Variants in TAOK3 observed in about 807,000 individuals in gnomAD.
TAOK3 encodes the protein serine/threonine-protein kinase TAO3.
A neutral mutation model predicts 120.4 loss-of-function variants in TAOK3; 40 were observed. That is an observed-to-expected ratio of 0.33 (90% CI 0.26 to 0.43). The LOEUF (loss-of-function observed/expected upper bound fraction) is 0.43, where lower values mean the gene tolerates loss of function less well. TAOK3 is among the 20% of genes least tolerant of loss of function. TAOK3 has a pLI of 1.00. For synonymous variants in TAOK3, 355 were observed against 387.5 expected (o/e 0.92, Z 0.99); for missense variants, 821 against 1,112.1 (o/e 0.74, Z 3.72).
At chr12:118,272,026 A>G (rs1465038535) in intron 1 of TAOK3, among the ~76,000 whole-genome samples, 1 of 152,250 alleles carries the variant, frequency 6.6e-6, no homozygotes, top group Admixed American at 6.5e-5. Flanking sequence ...AGATTTCATC[A>G]GAGATGTGCA....
At position 118,150,589 on chromosome 12, in the gene TAOK3, C is replaced by T. The variant is rs1039228350; in HGVS notation, c.*408G>A. ...GATATTGTGTCTCTCTCCCCCTTGGCATTTATTATTATTATTTTTTGCTTT... is the reference window on the plus strand; with the variant it reads ...GATATTGTGTCTCTCTCCCCCTTGGTATTTATTATTATTATTTTTTGCTTT... On this transcript the variant is annotated 3_prime_UTR_variant, in exon 21 of 21. Transcript: ENST00000392533. 1 of 154,858 alleles carries T rather than the reference C, an allele frequency of 6.5e-6. No individual in the cohort carries two copies. The highest frequency in any genetic ancestry group is 6.5e-5 in the Admixed American group (1 of 15,404). 9.6% of individuals were successfully genotyped at this position (154,858 alleles called of 1,614,324 possible).
At chr12:118,342,723 C>T (rs986736462) in intron 1 of TAOK3, among the ~76,000 whole-genome samples, 1 of 152,096 alleles carries the variant, frequency 6.6e-6, no homozygotes, top group African/African-American at 2.4e-5. Context: ...TGCTTGAGCT[C>T]AGGAGTTCGA....
At chr12:118,332,985 C>T (rs1320703563) in intron 1 of TAOK3, among the ~76,000 whole-genome samples, 1 of 152,180 alleles carries the variant, frequency 6.6e-6, no homozygotes, top group South Asian at 2.1e-4. Context: ...AACACACACA[C>T]ACACACACAC....
intron 1 of TAOK3, among the ~76,000 whole-genome samples, chr12:118,321,127 G>C (rs1192831024): frequency 6.6e-6 from 1 of 152,158 alleles, no homozygotes; most frequent in African/African-American, 2.4e-5. Flanking sequence ...ATATGTTAGG[G>C]AAAAGGTTGG....
At chr12:118,182,623 A>ATTTTTTT (rs1555215274) in intron 14 of TAOK3, among the ~76,000 whole-genome samples, 3 of 92,388 alleles carry the variant, frequency 3.2e-5, no homozygotes, top group African/African-American at 4.9e-5. Flanking sequence ...ATATATATAT[A>ATTTTTTT]TTTTTTTTTT....
chr12:118,177,128 T>C, intron 16 of TAOK3, 73 bp downstream of exon 16: 1 of 1,477,478 alleles, frequency 6.8e-7, no homozygotes, highest in Admixed American at 1.8e-5. Context: ...TTGATCACAA[T>C]GCAAGATGAG....
chr12:118,189,969 A>T, intron 13 of TAOK3, 28 bp from the exon 14 acceptor site: 1 of 1,612,290 alleles, frequency 6.2e-7, no homozygotes, highest in Non-Finnish European at 8.5e-7. Context: ...AACAAGGAGA[A>T]AGTCCAGCTG....
At chr12:118,179,874 G>A (rs890482152) in intron 15 of TAOK3, among the ~76,000 whole-genome samples, 1 of 150,208 alleles carries the variant, frequency 6.7e-6, no homozygotes, top group Non-Finnish European at 1.5e-5. Context: ...TCAAACTCTT[G>A]ACCTCAAGTG....
At chr12:118,170,257 C>T (rs1042353703) in intron 17 of TAOK3, among the ~76,000 whole-genome samples, 3 of 151,842 alleles carry the variant, frequency 2.0e-5, no homozygotes, top group Non-Finnish European at 2.9e-5. Flanking sequence ...ATATTAATAC[C>T]ACAGGTAAAC....
chr12:118,352,709 T>A lies in TAOK3; in HGVS notation c.-194+19939A>T, dbSNP rs565215840. On this transcript the variant is annotated intron_variant, in intron 1 of 20. Coordinates refer to ENST00000392533, the MANE Select transcript of TAOK3 (RefSeq NM_016281.4). ...ATTACTGTATTACCAGGGTTACTGA[T>A]CTTATCTTATTTATTTTTTGAGACA... is the stretch of plus-strand genomic sequence containing the variant. Among the ~76,000 whole-genome samples, 5 of 152,098 alleles carry A rather than the reference T, an allele frequency of 3.3e-5. No homozygotes were observed. The South Asian group carries it at 1.0e-3, about 32-fold the overall frequency.
intron 1 of TAOK3, among the ~76,000 whole-genome samples, chr12:118,285,106 T>C (rs989836409): frequency 5.9e-5 from 9 of 152,030 alleles, no homozygotes; most frequent in African/African-American, 2.2e-4. Flanking sequence ...CAAACTAACC[T>C]TTTAATTGCT....
chr12:118,342,935 TAA>T (rs760467619), intron 1 of TAOK3, among the ~76,000 whole-genome samples: 11,169 of 58,246 alleles, frequency 0.19, 321 homozygotes, highest in Middle Eastern at 0.27. Flanking sequence ...CTCTGTCTGC[TAA>T]AAAAAAAAAA....
At chr12:118,290,963 C>T (rs544386156) in intron 1 of TAOK3, among the ~76,000 whole-genome samples, 8 of 151,112 alleles carry the variant, frequency 5.3e-5, no homozygotes, top group Non-Finnish European at 1.2e-4. Context: ...TCTCGGCTCA[C>T]TGCAACCTCT....
At position 118,189,800 on chromosome 12, in the gene TAOK3, T is replaced by C. The variant is rs1482889357; in HGVS notation, c.1329+7A>G. ...AAGGGAAGGTGGGTAGAGGGGTGTT[T>C]GCTTACCAAAGATGCTGATTTGATC... On this transcript the variant is annotated splice_region_variant and intron_variant, in intron 14 of 20. Coordinates refer to ENST00000392533, the MANE Select transcript of TAOK3 (RefSeq NM_016281.4). 1 of 1,613,994 alleles carries C rather than the reference T, an allele frequency of 6.2e-7. No individual in the cohort carries two copies. The highest frequency in any genetic ancestry group is 8.5e-7 in the Non-Finnish European group (1 of 1,179,988).
intron 9 of TAOK3, among the ~76,000 whole-genome samples, chr12:118,222,830 A>G (rs2039303249): frequency 6.6e-6 from 1 of 152,202 alleles, no homozygotes; most frequent in East Asian, 1.9e-4. Context: ...TACAATGTAC[A>G]GTACTCAGGT....
At chr12:118,226,407 G>A (rs373215629) in intron 9 of TAOK3, among the ~76,000 whole-genome samples, 121 of 151,832 alleles carry the variant, frequency 8.0e-4, no homozygotes, top group African/African-American at 2.8e-3. Context: ...GGTGGCAGGC[G>A]CCTGTAGTAC....
chr12:118,315,252 A>C (rs1348672358), intron 1 of TAOK3, among the ~76,000 whole-genome samples: 1 of 147,732 alleles, frequency 6.8e-6, no homozygotes, highest in African/African-American at 2.4e-5. Flanking sequence ...GTAAAAAATG[A>C]GTAATGTATT....
chr12:118,159,918 A>C (rs2035107268), intron 19 of TAOK3: 1 of 568,950 alleles, frequency 1.8e-6, no homozygotes, highest in African/African-American at 1.9e-5. Flanking sequence ...TATGTGCCAC[A>C]GGTCTGATGT....
intron 1 of TAOK3, among the ~76,000 whole-genome samples, chr12:118,325,792 G>T (rs2043913187): frequency 6.6e-6 from 1 of 152,080 alleles, no homozygotes; most frequent in South Asian, 2.1e-4. Flanking sequence ...CAATTCTCCT[G>T]CCTCAGCCTC....
Sources: gnomAD v4.1 joint callset for allele counts (sites outside exome capture counted in the v4.1 genomes callset) on GRCh38, gnomAD v4.1.1 for gene constraint, MANE v1.5 for transcripts, NCBI Gene and HGNC (gene_info 2026-07-23, HGNC 2026-07-21) for gene names.